ZNF541: variants seen among roughly 807,000 people sequenced by gnomAD.
ZNF541 encodes the protein zinc finger protein 541.
Under a neutral mutation model 123.5 loss-of-function variants are expected in ZNF541, and 23 were observed. The ratio of observed to expected loss-of-function variants is 0.19; its 90% CI spans 0.13 to 0.26. The LOEUF (loss-of-function observed/expected upper bound fraction) is 0.26, where lower values mean the gene tolerates loss of function less well. ZNF541 is among the 10% of genes least tolerant of loss of function. The pLI is 1.00. For synonymous variants in ZNF541, 751 were observed against 754.5 expected, an observed-to-expected ratio of 1.00 and a Z score of 0.08; for missense variants, 1,612 against 1,789.9, an observed-to-expected ratio of 0.90 and a Z score of 1.79.
At chr19:47,568,712 A>G (rs1276197542) in intron 2 of ZNF541, among the ~76,000 whole-genome samples, 3 of 149,900 alleles carry the variant, frequency 2.0e-5, no homozygotes, top group Non-Finnish European at 4.4e-5. Context: ...TCTCTCTGTC[A>G]CTCAGGCTGG....
Position 47,567,511 on chromosome 19 carries a change from C to T in ZNF541, c.-99+4385G>A, listed in dbSNP as rs550623328. On this transcript the variant is annotated intron_variant, in intron 2 of 16. Transcript: ENST00000391901. ...CTTACCTCAAATGATCCGCCCTCCT[C>T]GGCTTCCCAAAGCGCTGGGATTACA... is the stretch of plus-strand genomic sequence containing the variant. Among the ~76,000 whole-genome samples the T allele has an allele frequency of 1.7e-4, 26 of 152,342 alleles. 1 individual carries two copies. Among genetic ancestry groups the T allele is most frequent in the Admixed American group, 1.2e-3 (19 of 15,292 alleles).
At chr19:47,552,832 C>T (rs993477049) in intron 3 of ZNF541, among the ~76,000 whole-genome samples, 2 of 150,296 alleles carry the variant, frequency 1.3e-5, no homozygotes, top group Admixed American at 6.7e-5. Flanking sequence ...GCAAGGAGGC[C>T]GGGCACGGTG....
chr19:47,568,545 T>C (rs1599748042), intron 2 of ZNF541, among the ~76,000 whole-genome samples: 1 of 152,142 alleles, frequency 6.6e-6, no homozygotes, highest in South Asian at 2.1e-4. Context: ...GGTTTTGCCA[T>C]GTTGGCCAGG....
chr19:47,567,461 G>C (rs1034651829), intron 2 of ZNF541, among the ~76,000 whole-genome samples: 1 of 152,180 alleles, frequency 6.6e-6, no homozygotes, highest in Non-Finnish European at 1.5e-5. Flanking sequence ...GTTTCACCAT[G>C]TTGGCTAAGC....
chr19:47,549,335 C>G lies in ZNF541; in HGVS notation c.458G>C (p.Ser153Thr). Residue 153 changes from serine (S) to threonine (T), a missense_variant, in exon 4 of 17, where the codon AGT (serine) becomes ACT (threonine). Transcript: ENST00000391901. Reference sequence around the variant, plus strand: ...TGTCAGGTAGTGCTTGCTCAGAGAACTGGCGCTGCTGAACACCTTCCCGCA... The same window carrying G: ...TGTCAGGTAGTGCTTGCTCAGAGAAGTGGCGCTGCTGAACACCTTCCCGCA... ...SLCGKVFSSASSLSKHYLTHS... is the reference protein window; with the variant it reads ...SLCGKVFSSATSLSKHYLTHS... The G allele has an allele frequency of 6.4e-7, 1 of 1,551,804 alleles. No individual in the cohort carries two copies. The highest frequency in any genetic ancestry group is 8.7e-7 in the Non-Finnish European group (1 of 1,147,036).
chr19:47,572,588 T>G (rs1368919067), intron 1 of ZNF541, among the ~76,000 whole-genome samples: 1 of 151,430 alleles, frequency 6.6e-6, no homozygotes, highest in African/African-American at 2.4e-5. Context: ...TGCTGGAAGA[T>G]CCTAAAAAGG....
At chr19:47,538,496 T>C (rs1057197589) in intron 8 of ZNF541, 57 bp from the exon 9 acceptor site, 2 of 1,416,654 alleles carry the variant, frequency 1.4e-6, no homozygotes, top group Non-Finnish European at 9.3e-7. Flanking sequence ...CACCACTCCA[T>C]CTCCAGGATG....
In ZNF541 at chr19:47,552,735, T is replaced by G. The variant is rs1159744625; in HGVS notation, c.307+2815A>C. Among the ~76,000 whole-genome samples, 7 of 54,524 alleles carry G rather than the reference T, an allele frequency of 1.3e-4. No homozygotes were observed. The South Asian group carries it at 5.7e-3, about 45-fold the overall frequency. 35.8% of individuals were successfully genotyped at this position (54,524 alleles called of 152,430 possible). On this transcript the variant is annotated intron_variant, in intron 3 of 16. Transcript: ENST00000391901. ...TCTAGCCTGGGCGATAGAGCGAGAC[T>G]CCATCTCAAAAAAAAAAAAAAAAAA...
intron 8 of ZNF541, among the ~76,000 whole-genome samples, chr19:47,538,785 C>G (rs764831136): frequency 6.6e-6 from 1 of 152,134 alleles, no homozygotes; most frequent in Non-Finnish European, 1.5e-5. Flanking sequence ...TGACAAGCAC[C>G]GAAATGACCC....
intron 2 of ZNF541, among the ~76,000 whole-genome samples, chr19:47,556,735 T>C (rs1163084525): frequency 6.6e-6 from 1 of 151,454 alleles, no homozygotes; most frequent in Non-Finnish European, 1.5e-5. Flanking sequence ...AGATTAAATG[T>C]GGAATGATAA....
chr19:47,547,054 G>A (rs1387162914), intron 4 of ZNF541, among the ~76,000 whole-genome samples: 1 of 152,200 alleles, frequency 6.6e-6, no homozygotes, highest in South Asian at 2.1e-4. Flanking sequence ...CACAGAGAGA[G>A]ACCTGTTTAA....
chr19:47,527,936 T>C (rs1969374195), intron 14 of ZNF541, among the ~76,000 whole-genome samples: 1 of 143,770 alleles, frequency 7.0e-6, no homozygotes, highest in Admixed American at 7.1e-5. Flanking sequence ...CAACCTCAGG[T>C]GATCCACATG....
intron 8 of ZNF541, among the ~76,000 whole-genome samples, chr19:47,539,092 AG>A (rs1969963052): frequency 6.6e-6 from 1 of 151,918 alleles, no homozygotes; most frequent in Non-Finnish European, 1.5e-5. Context: ...CTCTGCTCCC[AG>A]CTCTGCCCAC....
At chr19:47,567,815 GACCCTCCAAATGAA>G (rs1255728788) in intron 2 of ZNF541, among the ~76,000 whole-genome samples, 1 of 152,096 alleles carries the variant, frequency 6.6e-6, no homozygotes, top group Admixed American at 6.6e-5. Flanking sequence ...CTGAGTTTAT[GACCCTCCAAATGAA>G]ACCCTCCAAA....
chr19:47,534,974 CTT>C (rs937995970), intron 9 of ZNF541, among the ~76,000 whole-genome samples: 7 of 144,492 alleles, frequency 4.8e-5, no homozygotes, highest in Admixed American at 1.4e-4. Flanking sequence ...TTACAAAGCT[CTT>C]TTTTTTTTTT....
At chr19:47,543,279 T>G (rs777234780) in intron 5 of ZNF541, among the ~76,000 whole-genome samples, 25 of 151,898 alleles carry the variant, frequency 1.6e-4, no homozygotes, top group Non-Finnish European at 2.9e-5. Flanking sequence ...TTTTTTAAAT[T>G]TTGGTAGAGA....
intron 2 of ZNF541, among the ~76,000 whole-genome samples, chr19:47,558,624 C>T (rs1206911827): frequency 1.3e-5 from 2 of 149,908 alleles, no homozygotes; most frequent in African/African-American, 4.9e-5. Flanking sequence ...GATGGAGTTT[C>T]GCTCTGTCGC....
Position 47,545,368 on chromosome 19 carries a change from G to C in ZNF541, c.1161C>G (p.Gly387=). 6.5e-7 allele frequency: 1 copy of C among 1,537,584 alleles called. No homozygotes were observed. The highest frequency in any genetic ancestry group is 8.8e-7 in the Non-Finnish European group (1 of 1,140,156). Residue 387 remains glycine (G), a synonymous_variant, in exon 5 of 17, where the codon GGC becomes GGG. Transcript: ENST00000391901. The surrounding 1 kb of genome is among the most constrained non-coding windows in gnomAD (Gnocchi z 7.5). ...GAGGCAGGCAGGCAGGCACGGAGCCGCCTTCGGGCCAGCACTCCGCGGTGG... is the reference window on the plus strand; with the variant it reads ...GAGGCAGGCAGGCAGGCACGGAGCCCCCTTCGGGCCAGCACTCCGCGGTGG... ...ARSTAECWPE[G]GSVPACLPLF...
At chr19:47,541,777 A>G (rs1360664885) in intron 5 of ZNF541, among the ~76,000 whole-genome samples, 1 of 152,246 alleles carries the variant, frequency 6.6e-6, no homozygotes, top group Non-Finnish European at 1.5e-5. Flanking sequence ...TAGTGAGGAC[A>G]TGGAGAATGT....
Sources: gnomAD v4.1 joint callset for allele counts (sites outside exome capture counted in the v4.1 genomes callset) on GRCh38, gnomAD v4.1.1 for gene constraint, Gnocchi (gnomAD v3.1) non-coding constraint, MANE v1.5 for transcripts, NCBI Gene and HGNC (gene_info 2026-07-23, HGNC 2026-07-21) for gene names.